The following SPAG17 variants were observed in gnomAD, a reference collection of about 807,000 sequenced individuals.
SPAG17 encodes the protein sperm-associated antigen 17.
Under a neutral mutation model 273.6 loss-of-function variants are expected in SPAG17, and 169 were observed. That is an observed-to-expected ratio of 0.62 (90% CI 0.55 to 0.70). The LOEUF (loss-of-function observed/expected upper bound fraction) is 0.70. Ranked by LOEUF, SPAG17 falls within the 30% of genes least tolerant of loss-of-function variation. The probability of loss-of-function intolerance (pLI) is 0.00; values close to 1 mark genes in which losing one functional copy is unlikely to be tolerated. For synonymous variants in SPAG17, 825 were observed against 873.2 expected (o/e 0.94, Z 0.97); for missense variants, 2,557 against 2,627.8 (o/e 0.97, Z 0.59).
chr1:118,054,150 G>A, intron 19 of SPAG17, 57 bp from the exon 20 acceptor site: 2 of 1,144,292 alleles, frequency 1.7e-6, no homozygotes, highest in South Asian at 2.8e-5. Flanking sequence ...ATCATAGAAG[G>A]CCCAAATCTC....
In SPAG17 at chr1:118,041,849, A is replaced by G. The variant is rs1204089281; in HGVS notation, c.3008T>C (p.Val1003Ala). The stretch of plus-strand genomic sequence containing the variant: ...TGGTTGGTGGGGGGACTCTTCTGTT[A>G]CTTCTTGGATCTTGACTTGTTCTTC... ...SKEEQVKIQEVTEESPHQPEP... is the reference protein window; with the variant it reads ...SKEEQVKIQEATEESPHQPEP... The change falls in exon 21 of 49, where the codon GTA becomes GCA. Residue 1003 changes from valine (V) to alanine (A), a missense_variant. Physicochemically the swap from Val to Ala is moderately conservative, Grantham distance 64. Transcript: ENST00000336338. 3 of 1,613,704 alleles carry G rather than the reference A, an allele frequency of 1.9e-6. No homozygotes were observed. The highest frequency in any genetic ancestry group is 2.7e-5 in the African/African-American group (2 of 74,868).
intron 3 of SPAG17, among the ~76,000 whole-genome samples, chr1:118,125,145 G>T (rs1657639940): frequency 6.6e-6 from 1 of 151,954 alleles, no homozygotes; most frequent in South Asian, 2.1e-4. Context: ...AGGACCCTCA[G>T]TCCTGATAGC....
At chr1:117,954,437 A>T in intron 48 of SPAG17, 1 of 753,452 alleles carries the variant, frequency 1.3e-6, no homozygotes, top group Non-Finnish European at 2.1e-6. Flanking sequence ...AACAGGTTTG[A>T]TAATTCTTTT....
At position 118,086,946 on chromosome 1, in the gene SPAG17, G is replaced by C. The variant is rs747399176; in HGVS notation, c.1422C>G (p.Asp474Glu). 6.2e-7 allele frequency: 1 copy of C among 1,605,452 alleles called. No homozygotes were observed. The highest frequency in any genetic ancestry group is 1.3e-5 in the African/African-American group (1 of 74,198). The change falls in exon 11 of 49, where the codon GAC (aspartate) becomes GAG (glutamate). Residue 474 changes from aspartate (D) to glutamate (E), a missense_variant. Transcript: ENST00000336338. The part of the protein sequence containing the change: ...PSLREPSPRA[D>E]GLDHRIAAHI... ...GAGCTGCGATTCTGTGGTCTAGCCC[G>C]TCTGCTCTGGGGGATGGCTCCCGCA...
At position 118,163,942 on chromosome 1, in the gene SPAG17, G is replaced by A. The variant is rs1265170182; in HGVS notation, c.88-12573C>T. 3.9e-5 allele frequency among the ~76,000 whole-genome samples: 6 copies of A among 152,300 alleles called. No homozygotes were observed. In the East Asian group the frequency reaches 7.7e-4, roughly 20 times the overall value. Reference sequence around the variant, plus strand: ...GTTGCCTTGCCTATTCTCCCAAGGTGTTTGTATGTTGGGGACTTGAATTGC... The same window carrying A: ...GTTGCCTTGCCTATTCTCCCAAGGTATTTGTATGTTGGGGACTTGAATTGC... On this transcript the variant is annotated intron_variant, in intron 1 of 48. Transcript: ENST00000336338.
chr1:117,978,849 C>T (rs1331792443), intron 43 of SPAG17, among the ~76,000 whole-genome samples: 2 of 151,056 alleles, frequency 1.3e-5, no homozygotes, highest in Admixed American at 6.7e-5. Flanking sequence ...TTTCTGCTAC[C>T]TTACTGGCTT....
chr1:117,992,319 C>T, intron 36 of SPAG17, 147 bp downstream of exon 36: 5 of 685,184 alleles, frequency 7.3e-6, no homozygotes, highest in Non-Finnish European at 1.2e-5. Flanking sequence ...TTCTACCTCT[C>T]AACCCTCTAC....
At position 118,081,129 on chromosome 1, in the gene SPAG17, C is replaced by T; in HGVS notation, c.2181G>A (p.Met727Ile). 1 of 1,613,822 alleles carries T rather than the reference C, an allele frequency of 6.2e-7. No homozygotes were observed. Among genetic ancestry groups the T allele is most frequent in the Non-Finnish European group, 8.5e-7 (1 of 1,179,932 alleles). ...NRQLLEQESI[M>I]KAQPQHESLE... ...GAGACTCATGTTGGGGCTGAGCCTT[C>T]ATGATGCTCTCCTGCTCTAACAGCT... Residue 727 changes from methionine (M) to isoleucine (I), a missense_variant, in exon 15 of 49, where the codon ATG (methionine) becomes ATA (isoleucine). Coordinates refer to ENST00000336338, the MANE Select transcript of SPAG17 (RefSeq NM_206996.4).
chr1:117,958,814 T>A, intron 48 of SPAG17: 1 of 831,462 alleles, frequency 1.2e-6, no homozygotes, highest in South Asian at 2.0e-5. Context: ...GTATATTTTG[T>A]TGTTGCTTTG....
chr1:118,035,178 T>A (rs1228571637), intron 24 of SPAG17, among the ~76,000 whole-genome samples: 2 of 152,074 alleles, frequency 1.3e-5, no homozygotes, highest in African/African-American at 4.8e-5. Flanking sequence ...TTCAACTTTT[T>A]AAAAAAACAT....
chr1:118,117,642 A>C (rs1037496468), intron 3 of SPAG17, among the ~76,000 whole-genome samples: 2 of 152,162 alleles, frequency 1.3e-5, no homozygotes, highest in African/African-American at 2.4e-5. Context: ...AGAGAGAGAG[A>C]GCAGTGGTGG....
intron 10 of SPAG17, among the ~76,000 whole-genome samples, chr1:118,087,843 C>T (rs1655108201): frequency 6.6e-6 from 1 of 152,148 alleles, no homozygotes; most frequent in Non-Finnish European, 1.5e-5. Context: ...TAGATAATTA[C>T]TTGTTGTGGG....
intron 17 of SPAG17, among the ~76,000 whole-genome samples, chr1:118,067,485 C>T (rs988068950): frequency 6.6e-6 from 1 of 152,186 alleles, no homozygotes; most frequent in Non-Finnish European, 1.5e-5. Context: ...CCCACTCCCT[C>T]TTACTCTCTC....
chr1:118,100,646 C>A (rs1484958294), intron 5 of SPAG17, among the ~76,000 whole-genome samples: 1 of 152,168 alleles, frequency 6.6e-6, no homozygotes, highest in Non-Finnish European at 1.5e-5. Flanking sequence ...AATATCACTT[C>A]TTCCAAGTCT....
rs201604086 is a variant in SPAG17, at chr1:118,101,880, T to A, written c.494A>T (p.Lys165Ile). Residue 165 changes from lysine (K) to isoleucine (I), a missense_variant, in exon 5 of 49, where the codon AAA becomes ATA. Lys to Ile is a moderately radical substitution (Grantham distance 102). Transcript: ENST00000336338. Reference sequence around the variant, plus strand: ...TGGAGCCTTTTTCTCCTTGGGAGATTTTGCTTTCCCTTTATCCTTTTCTAA... The same window carrying A: ...TGGAGCCTTTTTCTCCTTGGGAGATATTGCTTTCCCTTTATCCTTTTCTAA... ...PKLEKDKGKA[K>I]SPKEKKAPSA... is the part of the protein sequence containing the mutation. 1 of 1,613,968 alleles carries A rather than the reference T, an allele frequency of 6.2e-7. No homozygotes were observed. Among genetic ancestry groups the A allele is most frequent in the East Asian group, 2.2e-5 (1 of 44,882 alleles).
chr1:118,111,454 G>A (rs1000626518), intron 4 of SPAG17, among the ~76,000 whole-genome samples: 4 of 151,606 alleles, frequency 2.6e-5, no homozygotes, highest in Non-Finnish European at 5.9e-5. Flanking sequence ...TTCTCTGTTC[G>A]ATTTCTTAAA....
chr1:117,955,337 T>C, intron 48 of SPAG17: 3 of 1,612,500 alleles, frequency 1.9e-6, no homozygotes, highest in Non-Finnish European at 2.5e-6. Context: ...GTATTAGAGA[T>C]TTTTAAAGGG....
chr1:117,960,109 C>CGTGT (rs3059173), intron 48 of SPAG17: 21,959 of 144,306 alleles, frequency 0.15, 1,654 homozygotes, highest in Admixed American at 0.17. Flanking sequence ...TTAATACACT[C>CGTGT]GTGTGTGTGT....
chr1:118,121,550 T>C (rs1657421819), intron 3 of SPAG17, among the ~76,000 whole-genome samples: 1 of 152,118 alleles, frequency 6.6e-6, no homozygotes, highest in Non-Finnish European at 1.5e-5. Flanking sequence ...GACCCTATTG[T>C]GAACTGTGTG....
Sources: gnomAD v4.1 joint callset for allele counts (sites outside exome capture counted in the v4.1 genomes callset) on GRCh38, gnomAD v4.1.1 for gene constraint, MANE v1.5 for transcripts, NCBI Gene and HGNC (gene_info 2026-07-23, HGNC 2026-07-21) for gene names.